Variants in MACROD2 observed in about 807,000 individuals in gnomAD.
MACROD2 encodes the protein mono-ADP ribosylhydrolase 2, also known as ADP-ribose glycohydrolase MACROD2.
MACROD2 carries 36 observed loss-of-function variants against 70.4 expected under a neutral mutation model. The ratio of observed to expected loss-of-function variants is 0.51; its 90% CI spans 0.39 to 0.68. MACROD2 has a LOEUF of 0.68. MACROD2 is among the 30% of genes least tolerant of loss of function. The pLI is 0.00. For synonymous variants in MACROD2, 172 were observed against 178.8 expected (o/e 0.96, Z 0.30); for missense variants, 496 against 538.4 (o/e 0.92, Z 0.78).
intron 3 of MACROD2, among the ~76,000 whole-genome samples, chr20:14,129,933 G>C (rs994634823): frequency 6.6e-6 from 1 of 152,152 alleles, no homozygotes; most frequent in Non-Finnish European, 1.5e-5. Context: ...TATATGCACT[G>C]GGAAACCAAA....
At chr20:15,768,450 C>T (rs2051565276) in intron 8 of MACROD2, among the ~76,000 whole-genome samples, 1 of 152,118 alleles carries the variant, frequency 6.6e-6, no homozygotes, top group African/African-American at 2.4e-5. Flanking sequence ...AAATGGTCCA[C>T]TTGTATAGGG....
intron 7 of MACROD2, among the ~76,000 whole-genome samples, chr20:15,494,382 A>G (rs1228682206): frequency 6.6e-6 from 1 of 152,152 alleles, no homozygotes; most frequent in Non-Finnish European, 1.5e-5. Context: ...GAGAATGTTC[A>G]TGGCAGCTTT....
In MACROD2 at chr20:14,562,287, T is replaced by C. The variant is rs140893254; in HGVS notation, c.301+68779T>C. Among the ~76,000 whole-genome samples the C allele has an allele frequency of 7.0e-3, 1,070 of 151,960 alleles. 12 individuals carry two copies. The highest frequency in any genetic ancestry group is 0.024 in the African/African-American group (1,013 of 41,498). ...TATTTTTTTGCAGTGATAAAAAAAT[T>C]TCATTTTGTCTAAATATGTAAGTAG... On this transcript the variant is annotated intron_variant, in intron 4 of 17. Coordinates refer to ENST00000684519, the MANE Select transcript of MACROD2 (RefSeq NM_001351661.2).
intron 8 of MACROD2, among the ~76,000 whole-genome samples, chr20:15,781,867 A>G (rs1422535282): frequency 6.6e-6 from 1 of 152,122 alleles, no homozygotes; most frequent in Non-Finnish European, 1.5e-5. Context: ...TCTCAGGTAA[A>G]GGAACATATA....
intron 6 of MACROD2, among the ~76,000 whole-genome samples, chr20:15,411,525 GC>G (rs1456104525): frequency 6.6e-6 from 1 of 152,172 alleles, no homozygotes; most frequent in African/African-American, 2.4e-5. Context: ...GTCTTTGAAA[GC>G]TATACTTTAT....
At chr20:14,696,382 TG>T (rs1456275668) in intron 5 of MACROD2, among the ~76,000 whole-genome samples, 2 of 152,174 alleles carry the variant, frequency 1.3e-5, no homozygotes, top group East Asian at 1.9e-4. Context: ...GTTTCTATTT[TG>T]GGGGGAAAAT....
intron 10 of MACROD2, among the ~76,000 whole-genome samples, chr20:15,904,550 C>G (rs1186099371): frequency 6.6e-6 from 1 of 151,954 alleles, no homozygotes; most frequent in East Asian, 1.9e-4. Context: ...AAGGAATGAT[C>G]ATGTAATTGC....
chr20:14,068,768 A>G (rs1213053709), intron 2 of MACROD2, among the ~76,000 whole-genome samples: 1 of 152,122 alleles, frequency 6.6e-6, no homozygotes, highest in Admixed American at 6.6e-5. Context: ...AGATTGGGGA[A>G]TAGGGGCTGA....
At chr20:14,906,627 A>T (rs897630612) in intron 5 of MACROD2, among the ~76,000 whole-genome samples, 6 of 152,250 alleles carry the variant, frequency 3.9e-5, no homozygotes, top group South Asian at 2.1e-4. Context: ...AGACAATTAA[A>T]TTTTTTTTCA....
intron 5 of MACROD2, among the ~76,000 whole-genome samples, chr20:14,762,481 C>G (rs1317937634): frequency 6.6e-6 from 1 of 152,154 alleles, no homozygotes; most frequent in African/African-American, 2.4e-5. Context: ...CCCACCTACC[C>G]TGATGTCTTT....
intron 3 of MACROD2, among the ~76,000 whole-genome samples, chr20:14,302,481 T>G (rs1023370918): frequency 6.6e-6 from 1 of 152,168 alleles, no homozygotes; most frequent in African/African-American, 2.4e-5. Flanking sequence ...AGCAAAGTAT[T>G]TATGAGTTTG....
At chr20:16,016,033 A>G (rs2066924253) in intron 15 of MACROD2, among the ~76,000 whole-genome samples, 1 of 152,092 alleles carries the variant, frequency 6.6e-6, no homozygotes, top group Non-Finnish European at 1.5e-5. Context: ...AAGTGAGATG[A>G]CTTTTCCATT....
Position 14,788,580 on chromosome 20 carries a change from C to CA in MACROD2, c.418+103641dup, listed in dbSNP as rs11477973. ...GGGCAACCAAAGTGAGATCACATCTCAAAAAAAAAAAAAAAAAAAAGACTT... is the reference window on the plus strand; with the variant it reads ...GGGCAACCAAAGTGAGATCACATCTCAAAAAAAAAAAAAAAAAAAAAGACTT... On this transcript the variant is annotated intron_variant, in intron 5 of 17. Transcript: ENST00000684519. Among the ~76,000 whole-genome samples the CA allele has an allele frequency of 1.9e-3, 138 of 73,200 alleles. 1 individual carries two copies. The highest frequency in any genetic ancestry group is 0.013 in the Middle Eastern group (2 of 158). 48.0% of individuals were successfully genotyped at this position (73,200 alleles called of 152,430 possible). A position where few individuals can be genotyped will look rare whatever the true frequency, so the allele number is the denominator to read the frequency against.
chr20:15,856,554 T>A (rs769980442), intron 8 of MACROD2, among the ~76,000 whole-genome samples: 1 of 152,192 alleles, frequency 6.6e-6, no homozygotes, highest in Non-Finnish European at 1.5e-5. Flanking sequence ...ATCTGCCACA[T>A]ACCTACATTT....
intron 7 of MACROD2, among the ~76,000 whole-genome samples, chr20:15,442,127 G>A (rs1310560774): frequency 3.9e-5 from 6 of 152,062 alleles, no homozygotes; most frequent in South Asian, 2.1e-4. Flanking sequence ...AAGGGTAAAC[G>A]TAAATAAACA....
At chr20:14,720,104 C>A (rs2071447440) in intron 5 of MACROD2, among the ~76,000 whole-genome samples, 1 of 152,124 alleles carries the variant, frequency 6.6e-6, no homozygotes, top group Admixed American at 6.5e-5. Flanking sequence ...AAACAACCCT[C>A]CTTTTATTGA....
rs181718329 is a variant in MACROD2, at chr20:15,152,051, C to T, written c.419-77889C>T. ...TTGGGAACAGAGACTAGGGAGGGAC[C>T]GATGTGTAAAAGAATGCCTGGACGT... On this transcript the variant is annotated intron_variant, in intron 5 of 17. Transcript: ENST00000684519. Among the ~76,000 whole-genome samples, 404 of 151,850 alleles carry T rather than the reference C, an allele frequency of 2.7e-3. 4 individuals are homozygous for T. The highest frequency in any genetic ancestry group is 2.5e-3 in the Non-Finnish European group (169 of 67,982).
intron 5 of MACROD2, among the ~76,000 whole-genome samples, chr20:14,988,868 G>A (rs567481672): frequency 5.9e-5 from 9 of 151,996 alleles, no homozygotes; most frequent in South Asian, 2.1e-4. Context: ...ATCAATGTCC[G>A]GAATTTCTGC....
At chr20:14,965,453 CTTTTTTTT>C (rs532870999) in intron 5 of MACROD2, among the ~76,000 whole-genome samples, 6 of 68,072 alleles carry the variant, frequency 8.8e-5, no homozygotes, top group South Asian at 6.8e-4. Flanking sequence ...ATTTTTTTTT[CTTTTTTTT>C]TTTTTTTTTT....
Sources: gnomAD v4.1 joint callset for allele counts (sites outside exome capture counted in the v4.1 genomes callset) on GRCh38, gnomAD v4.1.1 for gene constraint, MANE v1.5 for transcripts, NCBI Gene and HGNC (gene_info 2026-07-23, HGNC 2026-07-21) for gene names.